The following CACNA1B variants were observed in gnomAD, a reference collection of about 807,000 sequenced individuals.
The protein encoded by CACNA1B is calcium voltage-gated channel subunit alpha1 B.
CACNA1B carries 70 observed loss-of-function variants against 247.2 expected under a neutral mutation model. That is an observed-to-expected ratio of 0.28 (90% CI 0.23 to 0.35). The LOEUF is 0.35. CACNA1B is among the 10% of genes least tolerant of loss of function. The pLI is 1.00. For synonymous variants in CACNA1B, 1,231 were observed against 1,294.4 expected, an observed-to-expected ratio of 0.95 and a Z score of 1.05; for missense variants, 2,367 against 3,197.4, an observed-to-expected ratio of 0.74 and a Z score of 6.26.
Position 137,881,706 on chromosome 9 carries a change from G to A in CACNA1B, c.391-1038G>A, listed in dbSNP as rs974064840. ...CTGCCAGCCCCACGCGTGTGCTCAC[G>A]AGGAGTCTTTGGGGTCTCCCTAAGC... On this transcript the variant is annotated intron_variant, in intron 2 of 46. Transcript: ENST00000371372. The surrounding 1 kb of genome is among the most constrained non-coding windows in gnomAD (Gnocchi z 4.3). Among the ~76,000 whole-genome samples the A allele has an allele frequency of 5.9e-5, 9 of 152,290 alleles. No homozygotes were observed. Among genetic ancestry groups the A allele is most frequent in the Admixed American group, 4.6e-4 (7 of 15,306 alleles).
chr9:138,059,795 G>C lies in CACNA1B; in HGVS notation c.4668+58G>C. ...CCCAGGTGGTTTCCTTCTAGAGCCT[G>C]CTCCCCTCAGTGCATCTCCAGGCCC... On this transcript the variant is annotated intron_variant, in intron 31 of 46. Transcript: ENST00000371372. This position sits in a 1 kb window ranked among gnomAD's most constrained non-coding sequence, Gnocchi z 4.2. 7 of 969,644 alleles carry C rather than the reference G, an allele frequency of 7.2e-6. 1 individual carries two copies. Among genetic ancestry groups the C allele is most frequent in the Non-Finnish European group, 1.2e-5 (7 of 595,254 alleles). 60.1% of individuals were successfully genotyped at this position (969,644 alleles called of 1,614,324 possible). A position where few individuals can be genotyped will look rare whatever the true frequency, so the allele number is the denominator to read the frequency against.
intron 18 of CACNA1B, among the ~76,000 whole-genome samples, chr9:138,022,345 C>G (rs1365135897): frequency 6.6e-6 from 1 of 151,948 alleles, no homozygotes; most frequent in Non-Finnish European, 1.5e-5. Context: ...GGGGCTGCGG[C>G]TGACCACCTC....
At position 138,034,667 on chromosome 9, in the gene CACNA1B, T is replaced by C. The variant is rs903160228; in HGVS notation, c.3287-9107T>C. ...ATATATATGAGGCATAAAAGAAAAC[T>C]CAAATAAGAAACTTATTGTTGTGTC... On this transcript the variant is annotated intron_variant, in intron 20 of 46. Coordinates refer to ENST00000371372, the MANE Select transcript of CACNA1B (RefSeq NM_000718.4). Among the ~76,000 whole-genome samples the C allele has an allele frequency of 2.0e-5, 3 of 152,104 alleles. No individual in the cohort carries two copies. The South Asian group carries it at 6.2e-4, about 32-fold the overall frequency.
Position 137,990,918 on chromosome 9 carries a change from A to G in CACNA1B, c.1974+4064A>G, listed in dbSNP as rs1049380762. Among the ~76,000 whole-genome samples, 1 of 152,206 alleles carries G rather than the reference A, an allele frequency of 6.6e-6. No homozygotes were observed. The highest frequency in any genetic ancestry group is 2.4e-5 in the African/African-American group (1 of 41,454). On this transcript the variant is annotated intron_variant, in intron 15 of 46. Coordinates refer to ENST00000371372, the MANE Select transcript of CACNA1B (RefSeq NM_000718.4). The surrounding 1 kb of genome is among the most constrained non-coding windows in gnomAD (Gnocchi z 4.5). ...AGGGCAGGGGGAGAACACCACATCAAGGGAGCACCCCCAAGATAAGAGAAC... is the reference window on the plus strand; with the variant it reads ...AGGGCAGGGGGAGAACACCACATCAGGGGAGCACCCCCAAGATAAGAGAAC...
At chr9:137,980,622 G>A (rs1257310707) in intron 12 of CACNA1B, among the ~76,000 whole-genome samples, 2 of 152,216 alleles carry the variant, frequency 1.3e-5, no homozygotes, top group Non-Finnish European at 2.9e-5. Flanking sequence ...CACCCAAGTA[G>A]TGAGCATAGT....
At chr9:138,086,217 C>G (rs1960688692) in intron 36 of CACNA1B, among the ~76,000 whole-genome samples, 1 of 151,290 alleles carries the variant, frequency 6.6e-6, no homozygotes, top group African/African-American at 2.4e-5. Context: ...AATGACCCAA[C>G]TATATACTGC....
chr9:137,956,058 G>T (rs967226212), intron 8 of CACNA1B, among the ~76,000 whole-genome samples: 1 of 152,196 alleles, frequency 6.6e-6, no homozygotes, highest in African/African-American at 2.4e-5. Flanking sequence ...CCTAAAGCTG[G>T]TCTCTCCCCA....
At chr9:138,056,170 G>C (rs545465083) in intron 26 of CACNA1B, among the ~76,000 whole-genome samples, 99 of 152,214 alleles carry the variant, frequency 6.5e-4, no homozygotes, top group Non-Finnish European at 1.4e-3. Context: ...CATCGCCACA[G>C]TCAATTTTAG....
At position 137,985,439 on chromosome 9, in the gene CACNA1B, A is replaced by T. The variant is rs530890641; in HGVS notation, c.1770-974A>T. ...GGCATCTTAGGCTCCATTTTCTCCC[A>T]GGAAGTAGGTGACCCTGTCCTGAGG... On this transcript the variant is annotated intron_variant, in intron 13 of 46. Transcript: ENST00000371372. 2.6e-5 allele frequency among the ~76,000 whole-genome samples: 4 copies of T among 152,304 alleles called. 1 individual carries two copies. Among genetic ancestry groups the T allele is most frequent in the East Asian group, 3.9e-4 (2 of 5,170 alleles).
In CACNA1B at chr9:138,120,739, A is replaced by G; in HGVS notation, c.6347A>G (p.Gln2116Arg). ...QERGRSQERR[Q>R]PSSSSSEKQR... The stretch of plus-strand genomic sequence containing the variant: ...CGGGGCCGGTCCCAGGAGCGGAGGC[A>G]GCCCTCATCCTCCTCCTCGGAGAAG... The change falls in exon 46 of 47, where the codon CAG becomes CGG. Residue 2116 changes from glutamine to arginine, a missense_variant. Physicochemically the swap from Gln to Arg is conservative, Grantham distance 43 (BLOSUM62 1). Around this residue, in one of 12 missense-constraint regions of CACNA1B, gnomAD observed 773 missense variants for 779.4 expected, o/e 0.99. Coordinates refer to ENST00000371372, the MANE Select transcript of CACNA1B (RefSeq NM_000718.4). 1 of 1,544,402 alleles carries G rather than the reference A, an allele frequency of 6.5e-7. No homozygotes were observed. Among genetic ancestry groups the G allele is most frequent in the Non-Finnish European group, 8.7e-7 (1 of 1,145,888 alleles).
intron 36 of CACNA1B, among the ~76,000 whole-genome samples, chr9:138,079,603 C>T (rs1026075076): frequency 6.6e-5 from 10 of 151,952 alleles, no homozygotes; most frequent in African/African-American, 1.9e-4. Flanking sequence ...ATTAGCTAGA[C>T]GTGGTGGCAG....
intron 31 of CACNA1B, among the ~76,000 whole-genome samples, chr9:138,064,611 A>G (rs948958382): frequency 6.6e-6 from 1 of 152,208 alleles, no homozygotes; most frequent in African/African-American, 2.4e-5. Context: ...CTTGTTGGCA[A>G]TGCCCCTTTG....
intron 42 of CACNA1B, among the ~76,000 whole-genome samples, chr9:138,116,436 C>CT: frequency 6.6e-6 from 1 of 152,326 alleles, no homozygotes; most frequent in South Asian, 2.1e-4. Flanking sequence ...GACCCAGATC[C>CT]TGGGGGCTGA....
chr9:138,092,317 C>T (rs1960905831), intron 36 of CACNA1B, among the ~76,000 whole-genome samples: 1 of 152,186 alleles, frequency 6.6e-6, no homozygotes, highest in Non-Finnish European at 1.5e-5. Flanking sequence ...CACACAATCC[C>T]AGAGCAGCAG....
chr9:138,032,785 A>G (rs1564248918), intron 20 of CACNA1B: 4 of 418,542 alleles, frequency 9.6e-6, no homozygotes, highest in Non-Finnish European at 4.7e-6. Context: ...GATGTTGTTT[A>G]TCTCTTGCTG....
chr9:137,931,110 A>G (rs1220834549), intron 6 of CACNA1B, among the ~76,000 whole-genome samples: 1 of 152,180 alleles, frequency 6.6e-6, no homozygotes, highest in South Asian at 2.1e-4. Context: ...CGAGTTGTCC[A>G]GGTTCTTGGC....
chr9:137,941,267 A>G (rs988589022), intron 6 of CACNA1B, among the ~76,000 whole-genome samples: 12 of 152,218 alleles, frequency 7.9e-5, no homozygotes, highest in African/African-American at 2.7e-4. Context: ...TCTTTTATAT[A>G]CTAACAGTGA....
At chr9:138,005,561 T>C (rs1287753354) in intron 15 of CACNA1B, among the ~76,000 whole-genome samples, 1 of 151,886 alleles carries the variant, frequency 6.6e-6, no homozygotes, top group Admixed American at 6.5e-5. Flanking sequence ...AGGGTGACTA[T>C]AACTAACAAC....
chr9:137,962,326 T>TC (rs397752215), intron 10 of CACNA1B, among the ~76,000 whole-genome samples: 82 of 151,646 alleles, frequency 5.4e-4, no homozygotes, highest in African/African-American at 9.7e-4. Context: ...TTTTTTTTTT[T>TC]CAAAAAACTA....
Sources: gnomAD v4.1 joint callset for allele counts (sites outside exome capture counted in the v4.1 genomes callset) on GRCh38, gnomAD v4.1.1 for gene constraint, gnomAD v4.1.1 regional missense constraint, Gnocchi (gnomAD v3.1) non-coding constraint, MANE v1.5 for transcripts, NCBI Gene and HGNC (gene_info 2026-07-23, HGNC 2026-07-21) for gene names.